The following ZFYVE16 variants were observed in gnomAD, a reference collection of about 807,000 sequenced individuals.
ZFYVE16 encodes zinc finger FYVE domain-containing protein 16.
Under a neutral mutation model 138.1 loss-of-function variants are expected in ZFYVE16, and 89 were observed. That is an observed-to-expected ratio of 0.64 (90% CI 0.54 to 0.77). The LOEUF is 0.77. Among genes scored for constraint, ZFYVE16 ranks in the 30% least tolerant of loss-of-function variants. ZFYVE16 has a pLI of 0.00. For synonymous variants in ZFYVE16, 596 were observed against 618.3 expected (o/e 0.96, Z 0.53); for missense variants, 1,793 against 1,786.7 (o/e 1.00, Z -0.06).
chr5:80,438,454 A>T lies in ZFYVE16; in HGVS notation c.1769A>T (p.His590Leu), dbSNP rs752878361. 6.2e-7 allele frequency: 1 copy of T among 1,613,912 alleles called. No homozygotes were observed. Among genetic ancestry groups the T allele is most frequent in the Admixed American group, 1.7e-5 (1 of 59,990 alleles). The change falls in exon 4 of 19, where the codon CAT (histidine) becomes CTT (leucine). Residue 590 changes from histidine to leucine, a missense_variant. His to Leu is a moderately conservative substitution (Grantham distance 99). Around this residue, in one of 2 missense-constraint regions of ZFYVE16, gnomAD observed 1,295 missense variants for 1,204.3 expected, o/e 1.08. Transcript: ENST00000505560. ...GAAGCAGGAGCTATTGGGGAAAGTC[A>T]TGGTATTAATATAATTTGTGAAATA... ...NAEAGAIGESHGINIICEIVD... is the reference protein window; with the variant it reads ...NAEAGAIGESLGINIICEIVD...
chr5:80,426,936 T>C (rs1366732572), intron 1 of ZFYVE16, among the ~76,000 whole-genome samples: 6 of 152,238 alleles, frequency 3.9e-5, no homozygotes. Flanking sequence ...TTTTTAATGA[T>C]TGCCATTCTG....
chr5:80,418,831 C>T (rs1746645843), intron 1 of ZFYVE16, among the ~76,000 whole-genome samples: 1 of 152,056 alleles, frequency 6.6e-6, no homozygotes, highest in East Asian at 1.9e-4. Context: ...TTAAAAACTC[C>T]TCACCAAACC....
intron 15 of ZFYVE16, among the ~76,000 whole-genome samples, chr5:80,461,127 C>T (rs1753061616): frequency 6.6e-6 from 1 of 152,190 alleles, no homozygotes; most frequent in South Asian, 2.1e-4. Flanking sequence ...GCCGACATGA[C>T]ACTCTATAGA....
chr5:80,438,974 C>T lies in ZFYVE16; in HGVS notation c.2289C>T (p.Thr763=), dbSNP rs1750340828. ...CMNCQVKFTF[T]KRRHHCRACG... Reference sequence around the variant, plus strand: ...ACTGCCAAGTCAAATTTACTTTTACCAAACGGCGACACCATTGCCGAGCAT... The same window carrying T: ...ACTGCCAAGTCAAATTTACTTTTACTAAACGGCGACACCATTGCCGAGCAT... Residue 763 remains threonine (T), a synonymous_variant, in exon 4 of 19, where the codon ACC becomes ACT. Coordinates refer to ENST00000505560, the MANE Select transcript of ZFYVE16 (RefSeq NM_001284236.3). 6.2e-7 allele frequency: 1 copy of T among 1,612,852 alleles called. No individual in the cohort carries two copies. Among genetic ancestry groups the T allele is most frequent in the Non-Finnish European group, 8.5e-7 (1 of 1,179,298 alleles).
rs1379202739 is a variant in ZFYVE16 at position 80,440,014 on chromosome 5, T to C, written c.2401T>C (p.Tyr801His). The C allele has an allele frequency of 6.2e-7, 1 of 1,609,440 alleles. No homozygotes were observed. The highest frequency in any genetic ancestry group is 1.1e-5 in the South Asian group (1 of 90,386). Residue 801 changes from tyrosine to histidine, a missense_variant, in exon 5 of 19, where the codon TAT (tyrosine) becomes CAT (histidine). Physicochemically the swap from Tyr to His is moderately conservative, Grantham distance 83. Coordinates refer to ENST00000505560, the MANE Select transcript of ZFYVE16 (RefSeq NM_001284236.3). ...EKEARVCVVC[Y>H]ETISKAQAFE... ...GGAAGCAAGAGTATGTGTAGTCTGC[T>C]ATGAAACTATTAGTAAAGGTGAGTA...
At chr5:80,460,837 G>A (rs1337479959) in intron 15 of ZFYVE16, among the ~76,000 whole-genome samples, 1 of 152,074 alleles carries the variant, frequency 6.6e-6, no homozygotes, top group Non-Finnish European at 1.5e-5. Flanking sequence ...CTGTGAAAAA[G>A]TCAAGCATGT....
At chr5:80,426,668 T>C (rs1748127215) in intron 1 of ZFYVE16, among the ~76,000 whole-genome samples, 1 of 152,242 alleles carries the variant, frequency 6.6e-6, no homozygotes, top group Non-Finnish European at 1.5e-5. Context: ...TATGGTGTTA[T>C]ATATACCACA....
chr5:80,457,217 G>A, intron 14 of ZFYVE16, 125 bp downstream of exon 14: 6 of 1,357,230 alleles, frequency 4.4e-6, no homozygotes, highest in Non-Finnish European at 4.9e-6. Flanking sequence ...AATATGTTTT[G>A]AAATTTCAGC....
At chr5:80,453,976 A>G (rs1350390825) in intron 11 of ZFYVE16, 1 of 152,210 alleles carries the variant, frequency 6.6e-6, no homozygotes, top group Non-Finnish European at 1.5e-5. Context: ...TTTAAACAAA[A>G]CTACCTCTTC....
In ZFYVE16 at chr5:80,438,999, T is replaced by G; in HGVS notation, c.2314T>G (p.Cys772Gly). 6.2e-7 allele frequency: 1 copy of G among 1,600,958 alleles called. No individual in the cohort carries two copies. Among genetic ancestry groups the G allele is most frequent in the Non-Finnish European group, 8.5e-7 (1 of 1,174,054 alleles). The change falls in exon 4 of 19, where the codon TGT becomes GGT. Residue 772 changes from cysteine to glycine, a missense_variant. By Grantham distance (159) the Cys-to-Gly change is radical. Transcript: ENST00000505560. ...FTKRRHHCRA[C>G]GKVFCGVCCN... ...CAAACGGCGACACCATTGCCGAGCA[T>G]GTGGGAAAGTAAGTTATAAAAATCT...
chr5:80,476,774 G>T (rs1280126501), intron 18 of ZFYVE16, among the ~76,000 whole-genome samples: 1 of 152,126 alleles, frequency 6.6e-6, no homozygotes, highest in Non-Finnish European at 1.5e-5. Flanking sequence ...ATTTGTTATT[G>T]GAGTAAGCAC....
chr5:80,408,910 C>T (rs1745030565), intron 1 of ZFYVE16, among the ~76,000 whole-genome samples: 2 of 152,186 alleles, frequency 1.3e-5, no homozygotes, highest in African/African-American at 4.8e-5. Flanking sequence ...TTCACTTGAG[C>T]TTGTCGTCTC....
rs1289332091 is a variant in ZFYVE16 at position 80,437,645 on chromosome 5, A to T, written c.960A>T (p.Arg320Ser). The change falls in exon 4 of 19, where the codon AGA (arginine) becomes AGT (serine). Residue 320 changes from arginine (R) to serine (S), a missense_variant. Arg to Ser is a moderately radical substitution (Grantham distance 110, BLOSUM62 -1). Coordinates refer to ENST00000505560, the MANE Select transcript of ZFYVE16 (RefSeq NM_001284236.3). ...TATGCTTAAATGATTCAAATTCAAG[A>T]GATGAAAATTTCAAATTACCTGACT... ...EDLCLNDSNS[R>S]DENFKLPDFS... 6.2e-7 allele frequency: 1 copy of T among 1,611,910 alleles called. No homozygotes were observed. Among genetic ancestry groups the T allele is most frequent in the South Asian group, 1.1e-5 (1 of 90,864 alleles).
chr5:80,465,929 CTTT>C (rs532634082), intron 15 of ZFYVE16, among the ~76,000 whole-genome samples: 1 of 142,690 alleles, frequency 7.0e-6, no homozygotes, highest in African/African-American at 2.6e-5. Flanking sequence ...TATTGGTATT[CTTT>C]TTTTTTTTTT....
At chr5:80,434,325 C>A in intron 3 of ZFYVE16, 108 bp downstream of exon 3, 1 of 1,071,690 alleles carries the variant, frequency 9.3e-7, no homozygotes, top group Non-Finnish European at 1.4e-6. Context: ...ATTTTGGTCA[C>A]GTTATCTTCT....
At chr5:80,435,626 T>C in intron 3 of ZFYVE16, 1 of 260,508 alleles carries the variant, frequency 3.8e-6, no homozygotes, top group South Asian at 3.1e-5. Flanking sequence ...CGGAGTGCAA[T>C]GGTGCAGTCA....
intron 15 of ZFYVE16, among the ~76,000 whole-genome samples, chr5:80,461,069 C>A (rs1053134721): frequency 1.3e-5 from 2 of 152,114 alleles, no homozygotes; most frequent in Admixed American, 6.6e-5. Context: ...CATTCCAAAT[C>A]CAAAAATCTG....
At chr5:80,415,490 T>C (rs1381069030) in intron 1 of ZFYVE16, among the ~76,000 whole-genome samples, 1 of 152,156 alleles carries the variant, frequency 6.6e-6, no homozygotes, top group Non-Finnish European at 1.5e-5. Context: ...TCTCAGACAT[T>C]CCTTGTTTTT....
At chr5:80,422,855 C>T (rs1322453500) in intron 1 of ZFYVE16, among the ~76,000 whole-genome samples, 1 of 152,104 alleles carries the variant, frequency 6.6e-6, no homozygotes. Context: ...GTTGAACCAG[C>T]CTTGCATACC....
Sources: gnomAD v4.1 joint callset for allele counts (sites outside exome capture counted in the v4.1 genomes callset) on GRCh38, gnomAD v4.1.1 for gene constraint, gnomAD v4.1.1 regional missense constraint, MANE v1.5 for transcripts, NCBI Gene and HGNC (gene_info 2026-07-23, HGNC 2026-07-21) for gene names.